The following UBLCP1 variants were observed in gnomAD, a reference collection of about 807,000 sequenced individuals.
The protein encoded by UBLCP1 is ubiquitin like domain containing CTD phosphatase 1.
A neutral mutation model predicts 42.4 loss-of-function variants in UBLCP1; 28 were observed. The observed-to-expected ratio is 0.66, with a 90% CI of 0.49 to 0.90. The LOEUF (loss-of-function observed/expected upper bound fraction) is 0.90. Ranked by LOEUF, UBLCP1 falls within the 40% of genes least tolerant of loss-of-function variation. The probability of loss-of-function intolerance (pLI) is 0.00; values close to 1 mark genes in which losing one functional copy is unlikely to be tolerated. For synonymous variants in UBLCP1, 122 were observed against 120.8 expected, an observed-to-expected ratio of 1.01 and a Z score of -0.07; for missense variants, 279 against 374.5, an observed-to-expected ratio of 0.75 and a Z score of 2.10.
At chr5:159,279,701 TG>T (rs1251991115) in intron 9 of UBLCP1, among the ~76,000 whole-genome samples, 1 of 152,240 alleles carries the variant, frequency 6.6e-6, no homozygotes, top group African/African-American at 2.4e-5. Flanking sequence ...GTGGTTATGT[TG>T]TCCTTAATGG....
At chr5:159,266,841 G>T (rs549830004) in intron 1 of UBLCP1, among the ~76,000 whole-genome samples, 1 of 152,240 alleles carries the variant, frequency 6.6e-6, no homozygotes, top group East Asian at 1.9e-4. Context: ...TCCATATGGT[G>T]TTGAGCCTGT....
intron 9 of UBLCP1, among the ~76,000 whole-genome samples, chr5:159,280,450 A>C (rs1409676118): frequency 6.6e-6 from 1 of 152,062 alleles, no homozygotes; most frequent in African/African-American, 2.4e-5. Context: ...CTACAGGCGC[A>C]CGTTACCACA....
At chr5:159,284,391 A>C (rs1426112889) in intron 10 of UBLCP1, among the ~76,000 whole-genome samples, 3 of 152,226 alleles carry the variant, frequency 2.0e-5, no homozygotes, top group Non-Finnish European at 4.4e-5. Context: ...TATGAAAAAC[A>C]CTTGTTTGCT....
At chr5:159,263,549 G>C (rs762200903) in intron 1 of UBLCP1, among the ~76,000 whole-genome samples, 189 bp downstream of exon 1, 1 of 152,236 alleles carries the variant, frequency 6.6e-6, no homozygotes, top group East Asian at 1.9e-4. Flanking sequence ...CTCCCATCCA[G>C]CAGTCTAGCC....
intron 8 of UBLCP1, among the ~76,000 whole-genome samples, chr5:159,275,567 C>T (rs1454212228): frequency 1.3e-5 from 2 of 151,888 alleles, no homozygotes; most frequent in Admixed American, 6.6e-5. Context: ...CCCGCCACCA[C>T]GCCCGGCTAA....
chr5:159,265,268 C>G (rs1311413326), intron 1 of UBLCP1, among the ~76,000 whole-genome samples: 1 of 152,154 alleles, frequency 6.6e-6, no homozygotes, highest in Non-Finnish European at 1.5e-5. Context: ...AATTTAACCT[C>G]TTTCTTGCAG....
At chr5:159,283,424 T>G in intron 10 of UBLCP1, 85 bp downstream of exon 10, 2 of 1,101,948 alleles carry the variant, frequency 1.8e-6, no homozygotes, top group Non-Finnish European at 2.5e-6. Context: ...AGTATATATA[T>G]AGCTGTCTTA....
chr5:159,268,000 T>G (rs1753418955), intron 1 of UBLCP1, among the ~76,000 whole-genome samples: 2 of 152,224 alleles, frequency 1.3e-5, no homozygotes, highest in Non-Finnish European at 2.9e-5. Context: ...ACTGAAGAGA[T>G]ACAATTGTGG....
At chr5:159,271,852 A>G (rs1753470578) in intron 5 of UBLCP1, among the ~76,000 whole-genome samples, 171 bp from the exon 6 acceptor site, 1 of 152,210 alleles carries the variant, frequency 6.6e-6, no homozygotes, top group African/African-American at 2.4e-5. Context: ...AGGATTTTAA[A>G]TTGTGTTTTG....
At position 159,285,890 on chromosome 5, in the gene UBLCP1, G is replaced by A. The variant is rs548048641; in HGVS notation, c.*959G>A. 19 of 152,824 alleles carry A rather than the reference G, an allele frequency of 1.2e-4. No individual in the cohort carries two copies. The highest frequency in any genetic ancestry group is 4.1e-4 in the African/African-American group (17 of 41,552). 9.5% of individuals were successfully genotyped at this position (152,824 alleles called of 1,614,324 possible). ...TTGCAATGCTTAAGCCTGCAGATAC[G>A]TAATGTGACCACTGTTTTGTGTTGA... On this transcript the variant is annotated 3_prime_UTR_variant, in exon 11 of 11. Transcript: ENST00000296786.
At chr5:159,271,936 G>A (rs897889297) in intron 5 of UBLCP1, 87 bp from the exon 6 acceptor site, 8 of 887,702 alleles carry the variant, frequency 9.0e-6, no homozygotes, top group Middle Eastern at 2.6e-4. Flanking sequence ...TTTGCATTTC[G>A]TAATATATTA....
intron 9 of UBLCP1, among the ~76,000 whole-genome samples, chr5:159,280,755 C>T (rs1364967069): frequency 1.3e-5 from 2 of 152,146 alleles, no homozygotes; most frequent in African/African-American, 4.8e-5. Context: ...TAAACATAAG[C>T]TTGTCAGTCA....
At chr5:159,279,850 C>G (rs1584741499) in intron 9 of UBLCP1, among the ~76,000 whole-genome samples, 1 of 151,982 alleles carries the variant, frequency 6.6e-6, no homozygotes, top group Non-Finnish European at 1.5e-5. Flanking sequence ...ATGGTTATTA[C>G]CTGTTCTTGC....
chr5:159,269,556 A>G (rs1202633643), intron 2 of UBLCP1, among the ~76,000 whole-genome samples: 9 of 152,220 alleles, frequency 5.9e-5, no homozygotes, highest in Admixed American at 5.9e-4. Context: ...TTTGAGTAAC[A>G]GTAAATCTGC....
At chr5:159,278,773 A>G (rs1450097511) in intron 9 of UBLCP1, among the ~76,000 whole-genome samples, 2 of 152,194 alleles carry the variant, frequency 1.3e-5, no homozygotes, top group Admixed American at 6.5e-5. Flanking sequence ...GGGTTTCACC[A>G]TGTTGACCAG....
chr5:159,265,992 G>A (rs926076954), intron 1 of UBLCP1, among the ~76,000 whole-genome samples: 16 of 152,148 alleles, frequency 1.1e-4, no homozygotes, highest in Admixed American at 5.9e-4. Context: ...CCTTGGGTAT[G>A]TCTTAGCAGC....
rs771306766 is a variant in UBLCP1, at chr5:159,269,994, A to G, written c.241A>G (p.Ser81Gly). ...KIMMMGTREE[S>G]LEDVLGPPPD... The stretch of plus-strand genomic sequence containing the variant: ...CATGATGATGGGAACTCGTGAGGAG[A>G]GCTTGGTAAATGTTTACTTTTTGTT... Residue 81 changes from serine (S) to glycine (G), a missense_variant, in exon 3 of 11, where the codon AGC becomes GGC. Physicochemically the swap from Ser to Gly is moderately conservative, Grantham distance 56. Coordinates refer to ENST00000296786, the MANE Select transcript of UBLCP1 (RefSeq NM_145049.5). The G allele has an allele frequency of 1.2e-6, 2 of 1,609,602 alleles. No homozygotes were observed. Among genetic ancestry groups the G allele is most frequent in the East Asian group, 2.2e-5 (1 of 44,752 alleles).
chr5:159,266,734 T>G (rs1235903722), intron 1 of UBLCP1, among the ~76,000 whole-genome samples: 1 of 152,162 alleles, frequency 6.6e-6, no homozygotes, highest in Non-Finnish European at 1.5e-5. Flanking sequence ...AGGGACTTGG[T>G]GCCCTGTATC....
At position 159,270,553 on chromosome 5, in the gene UBLCP1, C is replaced by T. The variant is rs746328769; in HGVS notation, c.358C>T (p.Arg120Cys). Residue 120 changes from arginine to cysteine, a missense_variant, in exon 5 of 11, where the codon CGC (arginine) becomes TGC (cysteine). By Grantham distance (180) the Arg-to-Cys change is radical. Transcript: ENST00000296786. The stretch of plus-strand genomic sequence containing the variant: ...GGAAGAAAACCTACTGAAAATTTCT[C>T]GCAGAGTGAAAGAGTACAAAGTGGA... ...NREENLLKIS[R>C]RVKEYKVEIL... 3.1e-6 allele frequency: 5 copies of T among 1,610,288 alleles called. No individual in the cohort carries two copies. The highest frequency in any genetic ancestry group is 1.1e-5 in the South Asian group (1 of 90,128).
Sources: gnomAD v4.1 joint callset for allele counts (sites outside exome capture counted in the v4.1 genomes callset) on GRCh38, gnomAD v4.1.1 for gene constraint, MANE v1.5 for transcripts, NCBI Gene and HGNC (gene_info 2026-07-23, HGNC 2026-07-21) for gene names.